PADI6: variants seen among roughly 807,000 people sequenced by gnomAD.
PADI6 encodes inactive protein-arginine deiminase type-6.
In PADI6, 66 loss-of-function variants were observed where a neutral mutation model predicts 78.2. The ratio of observed to expected loss-of-function variants is 0.84; its 90% CI spans 0.69 to 1.04. The LOEUF (loss-of-function observed/expected upper bound fraction) is 1.04. Among genes scored for constraint, PADI6 ranks in the 50% least tolerant of loss-of-function variants. The probability of loss-of-function intolerance (pLI) is 0.00; values close to 1 mark genes in which losing one functional copy is unlikely to be tolerated. For missense variants in PADI6, 854 were observed against 866.1 expected, an observed-to-expected ratio of 0.99 and a Z score of 0.18; for synonymous variants, 397 against 346.9, an observed-to-expected ratio of 1.14 and a Z score of -1.60.
At chr1:17,375,192 C>T (rs1282016717) in intron 2 of PADI6, among the ~76,000 whole-genome samples, 2 of 152,174 alleles carry the variant, frequency 1.3e-5, no homozygotes, top group Non-Finnish European at 2.9e-5. Context: ...CAGGTGGTTT[C>T]AAGCCTGGCT....
At chr1:17,398,648 T>TGGGGGGGGGGGGG in intron 14 of PADI6, 38 bp from the exon 15 acceptor site, 4 of 193,328 alleles carry the variant, frequency 2.1e-5, no homozygotes, top group Non-Finnish European at 9.0e-6. Context: ...CTCTCCTTGC[T>TGGGGGGGGGGGGG]CCCCCGCCCC....
intron 2 of PADI6, among the ~76,000 whole-genome samples, chr1:17,375,001 C>T (rs1259202711): frequency 6.6e-6 from 1 of 152,162 alleles, no homozygotes; most frequent in Non-Finnish European, 1.5e-5. Context: ...CACCAGAGGC[C>T]TGTTTCCCCA....
chr1:17,391,689 C>T (rs542788243), intron 8 of PADI6, among the ~76,000 whole-genome samples: 3 of 152,284 alleles, frequency 2.0e-5, no homozygotes, highest in African/African-American at 4.8e-5. Context: ...TGGTGGCAGG[C>T]GTATAGTCCC....
chr1:17,394,287 G>C lies in PADI6; in HGVS notation c.1183-13G>C. 1 of 1,610,028 alleles carries C rather than the reference G, an allele frequency of 6.2e-7. No individual in the cohort carries two copies. Among genetic ancestry groups the C allele is most frequent in the Non-Finnish European group, 8.5e-7 (1 of 1,176,658 alleles). ...CTACTAACACCCCTTCCCTGGCTCG[G>C]TCTCTCCCCCAGAGCCCTGGTATTG... On this transcript the variant is annotated splice_polypyrimidine_tract_variant and intron_variant, in intron 10 of 15. Coordinates refer to ENST00000619609, the MANE Select transcript of PADI6 (RefSeq NM_207421.4).
At position 17,373,652 on chromosome 1, in the gene PADI6, C is replaced by T. The variant is rs546171043; in HGVS notation, c.294+419C>T. Among the ~76,000 whole-genome samples the T allele has an allele frequency of 1.9e-4, 29 of 152,094 alleles. No homozygotes were observed. In the East Asian group the frequency reaches 1.9e-3, roughly 10 times the overall value. The stretch of plus-strand genomic sequence containing the variant: ...GACTACAGGCACCCACCACCATGCC[C>T]GGCTAATTTTGTATTTTTAGTATGA... On this transcript the variant is annotated intron_variant, in intron 2 of 15. Transcript: ENST00000619609.
At chr1:17,379,868 G>A in intron 3 of PADI6, 52 bp from the exon 4 acceptor site, 16 of 1,534,370 alleles carry the variant, frequency 1.0e-5, no homozygotes, top group Non-Finnish European at 1.4e-5. Flanking sequence ...ATAACTTTGA[G>A]GTTCCATCTG....
At chr1:17,380,502 G>C (rs1204899) in intron 4 of PADI6, among the ~76,000 whole-genome samples, 7,582 of 152,310 alleles carry the variant, frequency 0.05, 222 homozygotes, top group Non-Finnish European at 0.059. Flanking sequence ...CGAGTAGCTG[G>C]GACTCTAGGT....
At chr1:17,378,055 C>T (rs182824162) in intron 3 of PADI6, among the ~76,000 whole-genome samples, 2 of 152,262 alleles carry the variant, frequency 1.3e-5, no homozygotes, top group Admixed American at 1.3e-4. Context: ...CTTGGCCTTG[C>T]TGCCTTGGGC....
chr1:17,390,895 A>G (rs539960307), intron 8 of PADI6, among the ~76,000 whole-genome samples: 14 of 152,344 alleles, frequency 9.2e-5, no homozygotes, highest in Non-Finnish European at 1.9e-4. Context: ...ATATTCAGGC[A>G]TGGTTTGACC....
rs1011550973 is a variant in PADI6 at position 17,397,482 on chromosome 1, A to G, written c.1689+341A>G. 1.2e-4 allele frequency among the ~76,000 whole-genome samples: 19 copies of G among 152,146 alleles called. 1 individual carries two copies. The highest frequency in any genetic ancestry group is 1.3e-4 in the Non-Finnish European group (9 of 68,028). Reference sequence around the variant, plus strand: ...TGGGACAGGGGCAGGGAGGAGCGCCATGGCATGTCGGGACCGTTGACAGAT... The same window carrying G: ...TGGGACAGGGGCAGGGAGGAGCGCCGTGGCATGTCGGGACCGTTGACAGAT... On this transcript the variant is annotated intron_variant, in intron 14 of 15. Coordinates refer to ENST00000619609, the MANE Select transcript of PADI6 (RefSeq NM_207421.4).
At position 17,379,985 on chromosome 1, in the gene PADI6, A is replaced by G. The variant is rs1413565869; in HGVS notation, c.433A>G (p.Lys145Glu). 1.2e-6 allele frequency: 2 copies of G among 1,613,242 alleles called. No homozygotes were observed. The highest frequency in any genetic ancestry group is 1.7e-6 in the Non-Finnish European group (2 of 1,179,480). ...QVEMSSDKQA[K>E]KKWIWGPSGW... is the part of the protein sequence containing the mutation. ...TGAGATGTCAAGTGACAAACAGGCT[A>G]AGGTGAGTCTGCCAGCAAAAGGGGG... The change falls in exon 4 of 16, where the codon AAG becomes GAG. Residue 145 changes from lysine to glutamate, a missense_variant and splice_region_variant. Transcript: ENST00000619609.
At chr1:17,400,251 C>T (rs894269074) in intron 15 of PADI6, among the ~76,000 whole-genome samples, 3 of 150,620 alleles carry the variant, frequency 2.0e-5, no homozygotes, top group Non-Finnish European at 2.9e-5. Flanking sequence ...TGGTGTCTTA[C>T]ACCTGTAATC....
chr1:17,380,173 T>C (rs2075058856), intron 4 of PADI6, among the ~76,000 whole-genome samples, 186 bp downstream of exon 4: 1 of 152,142 alleles, frequency 6.6e-6, no homozygotes, highest in Admixed American at 6.5e-5. Flanking sequence ...AAATTCCTTT[T>C]CTTTTGTGGG....
chr1:17,385,862 T>TC (rs1323496562), intron 6 of PADI6, among the ~76,000 whole-genome samples: 2 of 152,170 alleles, frequency 1.3e-5, no homozygotes, highest in Non-Finnish European at 2.9e-5. Context: ...GTACCCACCT[T>TC]CCTGTAAGTC....
chr1:17,391,453 T>C (rs35726973), intron 8 of PADI6, among the ~76,000 whole-genome samples: 45,482 of 152,014 alleles, frequency 0.3, 7,120 homozygotes, highest in Middle Eastern at 0.42. Flanking sequence ...CTCCCAGTCT[T>C]AGGTGATCCG....
In PADI6 at chr1:17,382,619, T is replaced by C. The variant is rs574968121; in HGVS notation, c.679+527T>C. ...GAGGCAGGTAGCATACTCTATTCTA[T>C]AGATGGAGGGCTGGTTAGGAGGTAC... On this transcript the variant is annotated intron_variant, in intron 6 of 15. Coordinates refer to ENST00000619609, the MANE Select transcript of PADI6 (RefSeq NM_207421.4). 2.6e-5 allele frequency among the ~76,000 whole-genome samples: 4 copies of C among 152,272 alleles called. No individual in the cohort carries two copies. The South Asian group carries it at 8.3e-4, about 32-fold the overall frequency.
chr1:17,389,899 C>T (rs2762896), intron 8 of PADI6, among the ~76,000 whole-genome samples: 45,463 of 152,140 alleles, frequency 0.3, 7,129 homozygotes, highest in Middle Eastern at 0.41. Flanking sequence ...ACTACCACCA[C>T]GTTGCCCTTT....
chr1:17,393,565 G>A (rs1022884433), intron 9 of PADI6, among the ~76,000 whole-genome samples: 7 of 152,132 alleles, frequency 4.6e-5, no homozygotes, highest in Non-Finnish European at 4.4e-5. Context: ...GCAGTGGCGC[G>A]ATCTCAGCTC....
intron 1 of PADI6, among the ~76,000 whole-genome samples, 200 bp downstream of exon 1, chr1:17,372,561 T>A (rs1025023297): frequency 6.6e-6 from 1 of 152,164 alleles, no homozygotes; most frequent in African/African-American, 2.4e-5. Flanking sequence ...CTCTGCCCTG[T>A]AGCAGCTGCC....
Sources: gnomAD v4.1 joint callset for allele counts (sites outside exome capture counted in the v4.1 genomes callset) on GRCh38, gnomAD v4.1.1 for gene constraint, MANE v1.5 for transcripts, NCBI Gene and HGNC (gene_info 2026-07-23, HGNC 2026-07-21) for gene names.